The following ZFP82 variants were observed in gnomAD, a reference collection of about 807,000 sequenced individuals.
The protein encoded by ZFP82 is zinc finger protein 82 homolog.
ZFP82 carries 30 observed loss-of-function variants against 54.0 expected under a neutral mutation model. The observed-to-expected ratio is 0.56, with a 90% confidence interval of 0.42 to 0.75. The LOEUF is 0.75. ZFP82 is among the 30% of genes least tolerant of loss of function. The pLI, the probability that ZFP82 is intolerant of heterozygous loss-of-function variation, is 0.00. For missense variants in ZFP82, 500 were observed against 636.8 expected (o/e 0.79, Z 2.31); for synonymous variants, 194 against 209.5 (o/e 0.93, Z 0.64).
At chr19:36,383,496 AT>A (rs2032082711) in exon 2 of ZFP82, 1 of 152,198 alleles carries the variant, frequency 6.6e-6, no homozygotes, top group African/African-American at 2.4e-5. Context: ...ACACCAAGTA[AT>A]TTTCATTAAA....
intron 4 of ZFP82, among the ~76,000 whole-genome samples, chr19:36,403,935 G>T (rs1367468194): frequency 6.6e-6 from 1 of 151,966 alleles, no homozygotes; most frequent in Non-Finnish European, 1.5e-5. Context: ...AAAAGTTGGG[G>T]GAAAAAAGGC....
chr19:36,384,586 C>T (rs1250708570), downstream of ZFP82, among the ~76,000 whole-genome samples: 1 of 152,068 alleles, frequency 6.6e-6, no homozygotes, highest in Admixed American at 6.6e-5. Context: ...AAATATAGTA[C>T]ACAGAGCTCT....
intron 4 of ZFP82, among the ~76,000 whole-genome samples, chr19:36,397,232 A>C (rs760565460): frequency 4.0e-5 from 6 of 151,732 alleles, no homozygotes; most frequent in Middle Eastern, 3.4e-3. Flanking sequence ...AGCTGGGATT[A>C]CAGGCACACA....
chr19:36,407,421 T>G (rs1020868026), intron 3 of ZFP82, among the ~76,000 whole-genome samples: 1 of 152,206 alleles, frequency 6.6e-6, no homozygotes, highest in African/African-American at 2.4e-5. Flanking sequence ...CTGAATATGA[T>G]TGTTTATTAA....
At chr19:36,400,707 C>T (rs933368031) in intron 4 of ZFP82, among the ~76,000 whole-genome samples, 2 of 152,172 alleles carry the variant, frequency 1.3e-5, no homozygotes, top group Admixed American at 1.3e-4. Flanking sequence ...CTGATTTCCT[C>T]CACCGATAGA....
intron 1 of ZFP82, 113 bp from the exon 2 acceptor site, chr19:36,409,980 AAC>A: frequency 3.4e-6 from 2 of 589,428 alleles, no homozygotes; most frequent in Non-Finnish European, 6.1e-6. Flanking sequence ...CAGCTCCTCC[AAC>A]ACACACGCGC....
intron 2 of ZFP82, among the ~76,000 whole-genome samples, chr19:36,409,044 T>C (rs1335445904): frequency 2.6e-5 from 4 of 152,136 alleles, no homozygotes; most frequent in African/African-American, 4.8e-5. Context: ...GATATTAATA[T>C]AGCATAATCC....
At chr19:36,411,093 T>C (rs1337600437) in intron 1 of ZFP82, among the ~76,000 whole-genome samples, 1 of 140,574 alleles carries the variant, frequency 7.1e-6, no homozygotes, top group Admixed American at 7.8e-5. Flanking sequence ...CTGGGGAGGC[T>C]GAGGGAGGAG....
At chr19:36,410,677 A>G (rs2032564265) in intron 1 of ZFP82, among the ~76,000 whole-genome samples, 1 of 151,612 alleles carries the variant, frequency 6.6e-6, no homozygotes. Flanking sequence ...TAATTTTTGT[A>G]TTTTTAGTAG....
intron 4 of ZFP82, among the ~76,000 whole-genome samples, chr19:36,397,083 ATAAACCAATTTTT>A (rs1200640492): frequency 7.9e-6 from 1 of 125,914 alleles, no homozygotes; most frequent in Non-Finnish European, 1.6e-5. Context: ...GTAATAAAGC[ATAAACCAATTTTT>A]TTTTTTTTTT....
intron 1 of ZFP82, among the ~76,000 whole-genome samples, chr19:36,413,172 A>G (rs2032608525): frequency 6.6e-6 from 1 of 152,190 alleles, no homozygotes; most frequent in East Asian, 1.9e-4. Context: ...ACACTTTGGG[A>G]GGCCGAGGTG....
intron 1 of ZFP82, among the ~76,000 whole-genome samples, chr19:36,414,960 T>G (rs551742314): frequency 6.6e-6 from 1 of 151,924 alleles, no homozygotes; most frequent in Non-Finnish European, 1.5e-5. Flanking sequence ...CAGCTGGGAT[T>G]ACAGGCATGC....
At position 36,390,961 on chromosome 19, in the gene ZFP82, G is replaced by A. The variant is rs1224302697; in HGVS notation, c.*1780C>T. On this transcript the variant is annotated 3_prime_UTR_variant, in exon 5 of 5. Transcript: ENST00000392161. ...TTTTTTGTATTTTTAGTAGAGATGGGGTTTCACCGTGTTAGCCAGGATGGT... is the reference window on the plus strand; with the variant it reads ...TTTTTTGTATTTTTAGTAGAGATGGAGTTTCACCGTGTTAGCCAGGATGGT... 6.6e-6 allele frequency: 1 copy of A among 152,146 alleles called. No individual in the cohort carries two copies. Among genetic ancestry groups the A allele is most frequent in the East Asian group, 1.9e-4 (1 of 5,172 alleles). The allele number at this position is 152,146 out of a possible 1,614,324, so 9.4% of individuals were successfully genotyped here. A position where few individuals can be genotyped will look rare whatever the true frequency, so the allele number is the denominator to read the frequency against.
chr19:36,405,027 T>C (rs2032455844), intron 4 of ZFP82, among the ~76,000 whole-genome samples: 1 of 151,522 alleles, frequency 6.6e-6, no homozygotes, highest in African/African-American at 2.4e-5. Context: ...CTACTAAAAA[T>C]ACAAAAATTA....
Position 36,393,363 on chromosome 19 carries a change from C to T in ZFP82, c.977G>A (p.Arg326Lys). ...ACCAGTATGAAGTTTGTGATGTACT[C>T]TAAGACCAGAGCCACACAAAAAGGC... ...GKAFLCGSGL[R>K]VHHKLHTGEK... Residue 326 changes from arginine to lysine, a missense_variant, in exon 5 of 5, where the codon AGA becomes AAA. Arg to Lys is a conservative substitution (Grantham distance 26). Transcript: ENST00000392161. 1 of 1,613,700 alleles carries T rather than the reference C, an allele frequency of 6.2e-7. No homozygotes were observed. Among genetic ancestry groups the T allele is most frequent in the South Asian group, 1.1e-5 (1 of 91,054 alleles).
In ZFP82 at chr19:36,393,393, CCA is replaced by C; in HGVS notation, c.945_946del (p.Cys315TrpfsTer11). 6.2e-7 allele frequency: 1 copy of C among 1,614,032 alleles called. No homozygotes were observed. Among genetic ancestry groups the C allele is most frequent in the Non-Finnish European group, 8.5e-7 (1 of 1,179,988 alleles). Reference sequence around the variant, plus strand: ...ACCAGAGCCACACAAAAAGGCCTTCCCACATTCTTTGCATTCATAGAGCCTGT... The same window carrying C: ...ACCAGAGCCACACAAAAAGGCCTTCCCATTCTTTGCATTCATAGAGCCTGT... On this transcript the variant is annotated frameshift_variant, in exon 5 of 5. Transcript: ENST00000392161. LOFTEE classifies it high-confidence loss of function.
At chr19:36,398,135 A>G (rs1332967253) in intron 4 of ZFP82, among the ~76,000 whole-genome samples, 1 of 152,232 alleles carries the variant, frequency 6.6e-6, no homozygotes, top group Non-Finnish European at 1.5e-5. Context: ...ATACTGATAT[A>G]AAGATCGCTC....
Position 36,393,709 on chromosome 19 carries a change from C to T in ZFP82, c.631G>A (p.Ala211Thr), listed in dbSNP as rs770153980. 2 of 1,613,930 alleles carry T rather than the reference C, an allele frequency of 1.2e-6. No homozygotes were observed. The highest frequency in any genetic ancestry group is 2.2e-5 in the South Asian group (2 of 91,056). The change falls in exon 5 of 5, where the codon GCA becomes ACA. Residue 211 changes from alanine (A) to threonine (T), a missense_variant. By Grantham distance (58) the Ala-to-Thr change is moderately conservative (BLOSUM62 0). Coordinates refer to ENST00000392161, the MANE Select transcript of ZFP82 (RefSeq NM_133466.4). ...AGTCTCTGATGTCGAGTAAGGTGTG[C>T]AGTCTGTCTGAAGGCCATCCCACAT... The part of the protein sequence containing the change: ...KECGMAFRQT[A>T]HLTRHQRLHS...
chr19:36,410,670 T>G (rs369055261), intron 1 of ZFP82, among the ~76,000 whole-genome samples: 27 of 152,070 alleles, frequency 1.8e-4, no homozygotes, highest in African/African-American at 6.0e-4. Flanking sequence ...GCCTGGCTAA[T>G]TTTTGTATTT....
Sources: allele counts gnomAD v4.1 joint callset (sites outside exome capture counted in the v4.1 genomes callset), GRCh38; gene constraint gnomAD v4.1.1; transcripts MANE v1.5; gene names NCBI Gene and HGNC (gene_info 2026-07-23, HGNC 2026-07-21).